PDGFRL: variants seen among roughly 807,000 people sequenced by gnomAD.
PDGFRL encodes the protein platelet-derived growth factor receptor-like protein.
Under a neutral mutation model 37.2 loss-of-function variants are expected in PDGFRL, and 46 were observed. That is an observed-to-expected ratio of 1.24 (90% CI 0.98 to 1.58). The LOEUF (loss-of-function observed/expected upper bound fraction) is 1.58. Among genes scored for constraint, PDGFRL ranks in the 40% most tolerant of loss-of-function variants. The pLI is 0.00. For synonymous variants in PDGFRL, 251 were observed against 184.3 expected (o/e 1.36, Z -2.93); for missense variants, 692 against 467.6 (o/e 1.48, Z -4.43).
At chr8:17,599,293 T>C (rs2705070) in intron 2 of PDGFRL, among the ~76,000 whole-genome samples, 123,363 of 152,098 alleles carry the variant, frequency 0.81, 50,271 homozygotes, top group East Asian at 0.89. Flanking sequence ...TATCCCTCAC[T>C]GCCCCAAACT....
chr8:17,602,058 G>A (rs1804176687), intron 2 of PDGFRL, among the ~76,000 whole-genome samples: 2 of 152,156 alleles, frequency 1.3e-5, no homozygotes, highest in African/African-American at 4.8e-5. Flanking sequence ...CACAGTGGCT[G>A]AATGAATCCA....
At chr8:17,633,219 A>G (rs910735915) in intron 4 of PDGFRL, among the ~76,000 whole-genome samples, 4 of 152,154 alleles carry the variant, frequency 2.6e-5, no homozygotes, top group African/African-American at 9.7e-5. Context: ...GCTTGAGGCC[A>G]TGAGTTGCAG....
At chr8:17,628,820 C>A in intron 4 of PDGFRL, 40 bp downstream of exon 4, 1 of 1,466,626 alleles carries the variant, frequency 6.8e-7, no homozygotes, top group South Asian at 1.2e-5. Context: ...AGTTAGTCCC[C>A]TGGTCAGTTT....
intron 2 of PDGFRL, among the ~76,000 whole-genome samples, chr8:17,597,334 A>T (rs73563771): frequency 0.14 from 21,951 of 152,180 alleles, 4,254 homozygotes; most frequent in African/African-American, 0.43. Flanking sequence ...CCTTGTAGTT[A>T]TAACCAATAT....
intron 2 of PDGFRL, among the ~76,000 whole-genome samples, chr8:17,607,425 T>C (rs192316032): frequency 1.9e-4 from 29 of 152,342 alleles, no homozygotes; most frequent in Admixed American, 1.9e-3. Context: ...ACAAAAAAAG[T>C]TTCTTTCAAC....
intron 1 of PDGFRL, among the ~76,000 whole-genome samples, chr8:17,586,453 G>T (rs1803819207): frequency 1.3e-5 from 2 of 152,196 alleles, no homozygotes; most frequent in African/African-American, 4.8e-5. Flanking sequence ...GCAACAATAT[G>T]CTAATCTCTA....
intron 1 of PDGFRL, 108 bp downstream of exon 1, chr8:17,577,415 G>A (rs1803609804): frequency 1.1e-6 from 1 of 936,708 alleles, no homozygotes; most frequent in Admixed American, 2.0e-5. Context: ...TCGGCCCTCG[G>A]TGGCTCAGCC....
chr8:17,589,385 C>CAAA (rs34147348), intron 1 of PDGFRL, 83 bp from the exon 2 acceptor site: 2 of 756,118 alleles, frequency 2.6e-6, no homozygotes, highest in Non-Finnish European at 2.0e-6. Flanking sequence ...GAATCTGTCT[C>CAAA]AAAAAAAAAA....
intron 2 of PDGFRL, 38 bp downstream of exon 2, chr8:17,589,803 T>A (rs749273817): frequency 1.4e-5 from 17 of 1,225,656 alleles, no homozygotes; most frequent in Non-Finnish European, 1.7e-5. Context: ...GGGTTGAGGA[T>A]TTGTAATAGT....
At chr8:17,620,842 C>CT (rs893275205) in intron 2 of PDGFRL, among the ~76,000 whole-genome samples, 2 of 133,838 alleles carry the variant, frequency 1.5e-5, no homozygotes, top group Non-Finnish European at 1.5e-5. Flanking sequence ...TTCCTGATTT[C>CT]TTTTTTTTCA....
intron 5 of PDGFRL, among the ~76,000 whole-genome samples, chr8:17,638,749 AT>A (rs1161983965): frequency 9.6e-5 from 5 of 52,296 alleles, no homozygotes; most frequent in Admixed American, 4.5e-4. Flanking sequence ...ATATATATAT[AT>A]ATATATATAT....
At chr8:17,587,967 T>C (rs1251395189) in intron 1 of PDGFRL, among the ~76,000 whole-genome samples, 1 of 152,076 alleles carries the variant, frequency 6.6e-6, no homozygotes, top group Non-Finnish European at 1.5e-5. Flanking sequence ...TGGACACAAC[T>C]GTGTGGCTGC....
intron 2 of PDGFRL, among the ~76,000 whole-genome samples, chr8:17,594,867 C>T (rs1033218932): frequency 1.3e-5 from 2 of 152,204 alleles, no homozygotes; most frequent in East Asian, 3.8e-4. Context: ...AATCCATCAT[C>T]CAGCGATAGG....
At chr8:17,589,385 CAAAAAAAAA>C in intron 1 of PDGFRL, 74 bp from the exon 2 acceptor site, 10 of 755,834 alleles carry the variant, frequency 1.3e-5, no homozygotes, top group Non-Finnish European at 2.0e-5. Flanking sequence ...GAATCTGTCT[CAAAAAAAAA>C]AAAAAGTTAT....
At chr8:17,588,330 C>G (rs149891554) in intron 1 of PDGFRL, among the ~76,000 whole-genome samples, 149 of 152,232 alleles carry the variant, frequency 9.8e-4, no homozygotes, top group Middle Eastern at 3.4e-3. Flanking sequence ...TCGCCAGCCC[C>G]TGACAAATGT....
intron 2 of PDGFRL, among the ~76,000 whole-genome samples, chr8:17,609,281 T>C (rs546114103): frequency 1.3e-5 from 2 of 151,888 alleles, no homozygotes; most frequent in African/African-American, 4.8e-5. Flanking sequence ...CTGAGGCTGG[T>C]GGATCACCTG....
At chr8:17,604,917 C>G (rs145158641) in intron 2 of PDGFRL, among the ~76,000 whole-genome samples, 118 of 152,118 alleles carry the variant, frequency 7.8e-4, no homozygotes, top group African/African-American at 2.5e-3. Flanking sequence ...AGTTTGAGAC[C>G]AGCTTGGGCA....
intron 1 of PDGFRL, among the ~76,000 whole-genome samples, chr8:17,585,655 C>G (rs62498030): frequency 6.6e-6 from 1 of 152,094 alleles, no homozygotes. Flanking sequence ...TTAGGGATGG[C>G]CTTTCCCCTT....
intron 2 of PDGFRL, among the ~76,000 whole-genome samples, chr8:17,596,988 G>T (rs1008334570): frequency 1.3e-5 from 2 of 152,112 alleles, no homozygotes; most frequent in African/African-American, 4.8e-5. Flanking sequence ...AGCTCCCCAG[G>T]TGTTCATCCA....
Sources: allele counts gnomAD v4.1 joint callset (sites outside exome capture counted in the v4.1 genomes callset), GRCh38; gene constraint gnomAD v4.1.1; transcripts MANE v1.5; gene names NCBI Gene and HGNC (gene_info 2026-07-23, HGNC 2026-07-21).